The following RBM25 variants were observed in gnomAD, a reference collection of about 807,000 sequenced individuals.
RBM25 encodes the protein RNA binding motif protein 25, also known as RNA-binding protein 25.
RBM25 carries 19 observed loss-of-function variants against 120.7 expected under a neutral mutation model. That is an observed-to-expected ratio of 0.16 (90% CI 0.11 to 0.23). The LOEUF is 0.23. RBM25 is among the 10% of genes least tolerant of loss of function. RBM25 has a pLI of 1.00. For synonymous variants in RBM25, 390 were observed against 326.7 expected, an observed-to-expected ratio of 1.19 and a Z score of -2.09; for missense variants, 605 against 1,041.5, an observed-to-expected ratio of 0.58 and a Z score of 5.77.
intron 5 of RBM25, among the ~76,000 whole-genome samples, chr14:73,087,537 A>G (rs1203799383): frequency 1.3e-5 from 2 of 152,030 alleles, no homozygotes; most frequent in Non-Finnish European, 2.9e-5. Flanking sequence ...CTGGGACTAC[A>G]GGCGCCCGCC....
chr14:73,109,522 G>A (rs914909751), intron 14 of RBM25, 30 bp downstream of exon 14: 9 of 1,593,688 alleles, frequency 5.6e-6, no homozygotes, highest in Non-Finnish European at 7.7e-6. Context: ...GGTCGGGCGC[G>A]GTGGCTCACG....
At chr14:73,092,261 CA>C (rs937968975) in intron 6 of RBM25, among the ~76,000 whole-genome samples, 22 of 89,208 alleles carry the variant, frequency 2.5e-4, no homozygotes, top group African/African-American at 9.9e-4. Context: ...AGGGAGGGAG[CA>C]GGGGGAGGGG....
chr14:73,106,649 A>G (rs769032236), intron 12 of RBM25, among the ~76,000 whole-genome samples: 23 of 152,258 alleles, frequency 1.5e-4, no homozygotes, highest in Non-Finnish European at 2.5e-4. Flanking sequence ...TAAGAGATTC[A>G]TTTTATCTCA....
intron 6 of RBM25, 125 bp from the exon 7 acceptor site, chr14:73,096,790 C>G: frequency 1.4e-6 from 1 of 731,182 alleles, no homozygotes; most frequent in Non-Finnish European, 2.2e-6. Context: ...AAAACCAATT[C>G]TGTGTTTAAT....
intron 6 of RBM25, among the ~76,000 whole-genome samples, chr14:73,096,578 TAA>T (rs1347755387): frequency 3.9e-5 from 6 of 152,226 alleles, no homozygotes; most frequent in Non-Finnish European, 8.8e-5. Context: ...TTCAACTGTT[TAA>T]AAGAGTCGTT....
In RBM25 at chr14:73,103,726, G is replaced by T. The variant is rs534907692; in HGVS notation, c.1154+248G>T. Among the ~76,000 whole-genome samples the T allele has an allele frequency of 3.9e-3, 595 of 151,904 alleles. 1 individual carries two copies. The highest frequency in any genetic ancestry group is 6.4e-3 in the Non-Finnish European group (435 of 67,940). ...TACCACCATGCCCAGCTAATTTTTT[G>T]TATTTTTGGTAGAGATGGGGTTTTG... On this transcript the variant is annotated intron_variant, in intron 10 of 18. Coordinates refer to ENST00000261973, the MANE Select transcript of RBM25 (RefSeq NM_021239.3).
intron 6 of RBM25, among the ~76,000 whole-genome samples, chr14:73,089,246 GTA>G (rs1417618851): frequency 6.6e-6 from 1 of 152,064 alleles, no homozygotes; most frequent in Non-Finnish European, 1.5e-5. Context: ...ATGAAGCAAA[GTA>G]TAAATAATCA....
chr14:73,103,375 C>T lies in RBM25; in HGVS notation c.1051C>T (p.Arg351Cys). 1.2e-6 allele frequency: 2 copies of T among 1,610,156 alleles called. No individual in the cohort carries two copies. Among genetic ancestry groups the T allele is most frequent in the East Asian group, 2.2e-5 (1 of 44,814 alleles). Residue 351 changes from arginine to cysteine, a missense_variant, in exon 10 of 19, where the codon CGT (arginine) becomes TGT (cysteine). By Grantham distance (180) the Arg-to-Cys change is radical. Coordinates refer to ENST00000261973, the MANE Select transcript of RBM25 (RefSeq NM_021239.3). Reference sequence around the variant, plus strand: ...GCGGGAACGAGAACGGGATAGGGACCGTGACCGGACAAAAGAGAGAGACCG... The same window carrying T: ...GCGGGAACGAGAACGGGATAGGGACTGTGACCGGACAAAAGAGAGAGACCG... ...RERERERDRD[R>C]DRTKERDRDR...
rs185629669 is a variant in RBM25 at position 73,103,568 on chromosome 14, G to C, written c.1154+90G>C. Reference sequence around the variant, plus strand: ...AGTACCATTTGCATTCATGGAATGAGAACTTTTGTGTGTGTGTGAGACATT... The same window carrying C: ...AGTACCATTTGCATTCATGGAATGACAACTTTTGTGTGTGTGTGAGACATT... On this transcript the variant is annotated intron_variant, in intron 10 of 18. Coordinates refer to ENST00000261973, the MANE Select transcript of RBM25 (RefSeq NM_021239.3). The C allele has an allele frequency of 6.7e-6, 10 of 1,487,514 alleles. No individual in the cohort carries two copies. The Admixed American group carries it at 1.5e-4, about 22-fold the overall frequency. The allele number at this position is 1,487,514 out of a possible 1,614,324, so 92.1% of individuals were successfully genotyped here.
chr14:73,060,148 C>T (rs1052373328), intron 1 of RBM25, among the ~76,000 whole-genome samples: 1 of 151,950 alleles, frequency 6.6e-6, no homozygotes, highest in African/African-American at 2.4e-5. Flanking sequence ...AAGCGATTCG[C>T]CTGCCTCAGC....
chr14:73,083,605 T>A, intron 5 of RBM25, 54 bp downstream of exon 5: 4 of 1,291,232 alleles, frequency 3.1e-6, no homozygotes, highest in Non-Finnish European at 4.3e-6. Context: ...CCTGTGTGCT[T>A]AAATCACTTT....
intron 12 of RBM25, among the ~76,000 whole-genome samples, chr14:73,106,628 A>ATTCCGTAAGTTGAG (rs1212571386): frequency 6.6e-6 from 1 of 152,166 alleles, no homozygotes; most frequent in Non-Finnish European, 1.5e-5. Flanking sequence ...TGCATTTGAA[A>ATTCCGTAAGTTGAG]TTCCGTAAGT....
At chr14:73,106,863 C>G (rs1220645118) in intron 12 of RBM25, among the ~76,000 whole-genome samples, 1 of 145,914 alleles carries the variant, frequency 6.9e-6, no homozygotes, top group South Asian at 2.1e-4. Flanking sequence ...TTTGTGGAGA[C>G]GGAGTGTTGC....
intron 4 of RBM25, among the ~76,000 whole-genome samples, chr14:73,082,677 A>G (rs1031607878): frequency 3.3e-5 from 5 of 152,180 alleles, no homozygotes; most frequent in Non-Finnish European, 5.9e-5. Flanking sequence ...TTTTTACAGA[A>G]AGCTGTTTTT....
chr14:73,110,601 G>A (rs957683880), intron 14 of RBM25, among the ~76,000 whole-genome samples: 5 of 151,690 alleles, frequency 3.3e-5, no homozygotes, highest in South Asian at 2.1e-4. Flanking sequence ...GCTAATTTTT[G>A]TATTTTCAGT....
rs214286 is a variant in RBM25 at position 73,122,276 on chromosome 14, G to A, written c.*2471G>A. On this transcript the variant is annotated 3_prime_UTR_variant, in exon 19 of 19. Coordinates refer to ENST00000261973, the MANE Select transcript of RBM25 (RefSeq NM_021239.3). ...GAAAGTCTTTTTTTGTTGTTTTTTT[G>A]GGGTTTTTTTTTTTTTGAGAGGAAG... 2 of 146,828 alleles carry A rather than the reference G, an allele frequency of 1.4e-5. No homozygotes were observed. The highest frequency in any genetic ancestry group is 3.9e-4 in the East Asian group (2 of 5,128). The allele number at this position is 146,828 out of a possible 1,614,324, so 9.1% of individuals were successfully genotyped here.
At chr14:73,099,275 T>C (rs537068691) in intron 7 of RBM25, 105 bp from the exon 8 acceptor site, 4 of 952,476 alleles carry the variant, frequency 4.2e-6, no homozygotes, top group African/African-American at 3.4e-5. Context: ...ATCACAGAAG[T>C]GTACTGTATT....
At chr14:73,083,327 C>A (rs371428978) in intron 4 of RBM25, among the ~76,000 whole-genome samples, 167 bp from the exon 5 acceptor site, 6 of 152,124 alleles carry the variant, frequency 3.9e-5, no homozygotes, top group East Asian at 3.9e-4. Context: ...TTGTTCATTT[C>A]TTTCATGTGA....
At chr14:73,106,628 A>T (rs1896194113) in intron 12 of RBM25, among the ~76,000 whole-genome samples, 1 of 152,166 alleles carries the variant, frequency 6.6e-6, no homozygotes, top group Admixed American at 6.5e-5. Context: ...TGCATTTGAA[A>T]TTCCGTAAGT....
Sources: allele counts gnomAD v4.1 joint callset (sites outside exome capture counted in the v4.1 genomes callset), GRCh38; gene constraint gnomAD v4.1.1; transcripts MANE v1.5; gene names NCBI Gene and HGNC (gene_info 2026-07-23, HGNC 2026-07-21).